The following FANK1 variants were observed in gnomAD, a reference collection of about 807,000 sequenced individuals.
FANK1 encodes fibronectin type 3 and ankyrin repeat domains protein 1.
Under a neutral mutation model 45.3 loss-of-function variants are expected in FANK1, and 44 were observed. The ratio of observed to expected loss-of-function variants is 0.97; its 90% confidence interval spans 0.76 to 1.25. FANK1 has a LOEUF of 1.25. FANK1 is among the 50% of genes most tolerant of loss of function. FANK1 has a pLI of 0.00. For synonymous variants in FANK1, 149 were observed against 152.5 expected (o/e 0.98, Z 0.17); for missense variants, 391 against 424.4 (o/e 0.92, Z 0.69).
At chr10:125,985,802 G>T (rs149314270) in intron 2 of FANK1, among the ~76,000 whole-genome samples, 75 of 152,280 alleles carry the variant, frequency 4.9e-4, no homozygotes, top group African/African-American at 1.6e-3. Flanking sequence ...GAACCAAATG[G>T]CTTCACCCAT....
Position 125,983,885 on chromosome 10 carries a change from G to C in FANK1, c.191+3547G>C, listed in dbSNP as rs1951382200. 1.3e-5 allele frequency among the ~76,000 whole-genome samples: 2 copies of C among 152,208 alleles called. No individual in the cohort carries two copies. Among genetic ancestry groups the C allele is most frequent in the South Asian group, 4.1e-4 (2 of 4,828 alleles). On this transcript the variant is annotated intron_variant, in intron 2 of 10. Transcript: ENST00000368693. The surrounding 1 kb of genome is among the most constrained non-coding windows in gnomAD (Gnocchi z 4.3). ...AGGATCCCTCTGGCTGCTGAGTTGG[G>C]AACAGGCTGTAGGGAGGCCAGGCAG...
Position 125,980,211 on chromosome 10 carries a change from C to T in FANK1, c.64C>T (p.His22Tyr), listed in dbSNP as rs751429431. The T allele has an allele frequency of 1.2e-6, 2 of 1,614,134 alleles. No homozygotes were observed. The highest frequency in any genetic ancestry group is 2.2e-5 in the East Asian group (1 of 44,874). The change falls in exon 2 of 11, where the codon CAT (histidine) becomes TAT (tyrosine). Residue 22 changes from histidine (H) to tyrosine (Y), a missense_variant. Coordinates refer to ENST00000368693, the MANE Select transcript of FANK1 (RefSeq NM_145235.5). ...PHPPVVGKVT[H>Y]HSIELYWDLE... ...TCCACCTGTCGTGGGCAAAGTGACT[C>T]ATCACAGCATTGAATTATACTGGGA... is the stretch of plus-strand genomic sequence containing the variant.
intron 3 of FANK1, 41 bp downstream of exon 3, chr10:125,988,716 A>G: frequency 1.2e-6 from 2 of 1,614,066 alleles, no homozygotes; most frequent in South Asian, 2.2e-5. Flanking sequence ...TCTCTAGATC[A>G]ATGGAGATGA....
At position 126,002,469 on chromosome 10, in the gene FANK1, C is replaced by T. The variant is rs115001325; in HGVS notation, c.540-2415C>T. Among the ~76,000 whole-genome samples, 1,321 of 152,320 alleles carry T rather than the reference C, an allele frequency of 8.7e-3. 21 individuals are homozygous for T. The highest frequency in any genetic ancestry group is 0.029 in the African/African-American group (1,201 of 41,564). ...CTAAACCCAGCAGGCAGGTGCTGCA[C>T]CATGCTGACTGTCTTCTGGGGGTCT... On this transcript the variant is annotated intron_variant, in intron 6 of 10. Coordinates refer to ENST00000368693, the MANE Select transcript of FANK1 (RefSeq NM_145235.5).
At chr10:125,959,578 G>C (rs1004378152) in intron 1 of FANK1, among the ~76,000 whole-genome samples, 1 of 152,148 alleles carries the variant, frequency 6.6e-6, no homozygotes, top group African/African-American at 2.4e-5. Context: ...GGATGAGTTT[G>C]CTAAGAAACA....
chr10:125,980,553 T>C (rs999842762), intron 2 of FANK1: 2 of 497,034 alleles, frequency 4.0e-6, no homozygotes, highest in African/African-American at 2.0e-5. Context: ...CTTCTTTGAC[T>C]TCTGAAATAT....
At chr10:125,959,305 T>G (rs1590050752) in intron 1 of FANK1, among the ~76,000 whole-genome samples, 1 of 149,108 alleles carries the variant, frequency 6.7e-6, no homozygotes, top group Non-Finnish European at 1.5e-5. Flanking sequence ...TCACAGTTAC[T>G]TGGGAGGCTG....
At chr10:125,905,833 G>A (rs1945458830) in intron 1 of FANK1, among the ~76,000 whole-genome samples, 2 of 152,148 alleles carry the variant, frequency 1.3e-5, no homozygotes, top group Non-Finnish European at 2.9e-5. Flanking sequence ...TGAGGTGGGA[G>A]GATCACTTGA....
chr10:125,923,375 C>G (rs1226497138), intron 1 of FANK1, among the ~76,000 whole-genome samples: 1 of 151,448 alleles, frequency 6.6e-6, no homozygotes, highest in African/African-American at 2.4e-5. Context: ...GTGGGAGGAT[C>G]ATTTGAGCCA....
intron 6 of FANK1, among the ~76,000 whole-genome samples, chr10:125,998,353 C>G (rs1237661696): frequency 1.3e-5 from 2 of 152,182 alleles, no homozygotes; most frequent in Non-Finnish European, 2.9e-5. Flanking sequence ...GAACACAATA[C>G]AGCAATAGAT....
chr10:125,947,476 A>C (rs1589985890), intron 1 of FANK1, among the ~76,000 whole-genome samples: 1 of 150,698 alleles, frequency 6.6e-6, no homozygotes, highest in Admixed American at 6.6e-5. Context: ...AGTCTCTGAT[A>C]AAACAGACTT....
At position 125,988,554 on chromosome 10, in the gene FANK1, A is replaced by T. The variant is rs200409805; in HGVS notation, c.195A>T (p.Gly65=). 1.4e-5 allele frequency: 23 copies of T among 1,614,072 alleles called. No homozygotes were observed. The African/African-American group carries it at 1.7e-4, about 12-fold the overall frequency. ...ATGTTTGTCTCCTCCTGTCTAGGGG[A>T]TATGCAACGAAGCATGTTGTTGAAG... The part of the protein sequence containing the change: ...KMHTYGIIYT[G]YATKHVVEGL... The change falls in exon 3 of 11, where the codon GGA becomes GGT. Residue 65 remains glycine (G), a synonymous_variant. Transcript: ENST00000368693.
intron 1 of FANK1, chr10:125,974,990 T>C (rs1216401765): frequency 6.6e-6 from 1 of 152,198 alleles, no homozygotes; most frequent in Non-Finnish European, 1.5e-5. Flanking sequence ...CCTTTTCTGC[T>C]CCTCTCACCC....
chr10:125,954,139 G>A (rs1283977437), intron 1 of FANK1, among the ~76,000 whole-genome samples: 3 of 67,992 alleles, frequency 4.4e-5, no homozygotes, highest in Admixed American at 3.6e-4. Flanking sequence ...GAATGGTGCA[G>A]GAATGTGGTT....
intron 1 of FANK1, among the ~76,000 whole-genome samples, chr10:125,940,889 C>T (rs774221590): frequency 1.3e-5 from 2 of 152,214 alleles, no homozygotes; most frequent in Non-Finnish European, 2.9e-5. Context: ...TCCTGCACAG[C>T]CCTAGATCCC....
intron 1 of FANK1, among the ~76,000 whole-genome samples, chr10:125,917,788 A>G (rs1370142839): frequency 6.6e-6 from 1 of 152,312 alleles, no homozygotes; most frequent in Non-Finnish European, 1.5e-5. Context: ...TCACAGAAAC[A>G]AAGTAGAATG....
chr10:125,926,741 A>T (rs997778061), intron 1 of FANK1, among the ~76,000 whole-genome samples: 1 of 151,876 alleles, frequency 6.6e-6, no homozygotes, highest in Non-Finnish European at 1.5e-5. Context: ...ATTTCTTCTT[A>T]TATCCCAGAT....
At chr10:126,007,306 C>A (rs557144415) in intron 7 of FANK1, 1 of 152,056 alleles carries the variant, frequency 6.6e-6, no homozygotes, top group South Asian at 2.1e-4. Context: ...TGTTTGTAAA[C>A]CAAGAATAAA....
intron 1 of FANK1, among the ~76,000 whole-genome samples, chr10:125,939,170 G>C (rs999435040): frequency 3.5e-4 from 53 of 152,200 alleles, no homozygotes; most frequent in Admixed American, 1.2e-3. Flanking sequence ...ATGTGAATGT[G>C]AAAGACAACG....
Sources: gnomAD v4.1 joint callset for allele counts (sites outside exome capture counted in the v4.1 genomes callset) on GRCh38, gnomAD v4.1.1 for gene constraint, Gnocchi (gnomAD v3.1) non-coding constraint, MANE v1.5 for transcripts, NCBI Gene and HGNC (gene_info 2026-07-23, HGNC 2026-07-21) for gene names.